INTS12: variants seen among roughly 807,000 people sequenced by gnomAD.
The protein encoded by INTS12 is integrator complex subunit 12.
Under a neutral mutation model 41.6 loss-of-function variants are expected in INTS12, and 13 were observed. The ratio of observed to expected loss-of-function variants is 0.31; its 90% CI spans 0.20 to 0.50. The LOEUF (loss-of-function observed/expected upper bound fraction) is 0.50. Among genes scored for constraint, INTS12 ranks in the 20% least tolerant of loss-of-function variants. The pLI, the probability that INTS12 is intolerant of heterozygous loss-of-function variation, is 0.98. For synonymous variants in INTS12, 199 were observed against 191.4 expected, an observed-to-expected ratio of 1.04 and a Z score of -0.33; for missense variants, 432 against 541.6, an observed-to-expected ratio of 0.80 and a Z score of 2.01.
intron 2 of INTS12, among the ~76,000 whole-genome samples, chr4:105,701,205 A>G (rs1732058545): frequency 1.3e-5 from 2 of 148,604 alleles, no homozygotes; most frequent in South Asian, 4.2e-4. Flanking sequence ...TCCACATCTG[A>G]CAAGAAACAC....
chr4:105,690,516 C>G (rs1280372260), intron 6 of INTS12, among the ~76,000 whole-genome samples: 1 of 151,478 alleles, frequency 6.6e-6, no homozygotes, highest in Non-Finnish European at 1.5e-5. Context: ...TTAAAAGAGG[C>G]ATCAAAGATG....
At chr4:105,700,329 G>A (rs897772353) in intron 2 of INTS12, 10 of 165,520 alleles carry the variant, frequency 6.0e-5, no homozygotes, top group African/African-American at 9.5e-5. Context: ...GATACACTTC[G>A]CAGTTTCAGT....
At chr4:105,702,809 G>T (rs1269878506) in intron 2 of INTS12, 1 of 852,450 alleles carries the variant, frequency 1.2e-6, no homozygotes, top group African/African-American at 1.8e-5. Flanking sequence ...TCACCAAACA[G>T]AAAACAGTAG....
intron 7 of INTS12, among the ~76,000 whole-genome samples, chr4:105,686,039 G>A (rs1430849462): frequency 1.3e-5 from 2 of 152,162 alleles, no homozygotes. Context: ...ACTGAGGGCA[G>A]AGGTATTTTG....
At chr4:105,685,221 A>C (rs145055502) in intron 7 of INTS12, among the ~76,000 whole-genome samples, 94 of 152,236 alleles carry the variant, frequency 6.2e-4, no homozygotes, top group African/African-American at 2.3e-3. Context: ...TTTTTTATTA[A>C]AGAAACACAA....
At chr4:105,695,398 GATT>G (rs1395914279) in intron 4 of INTS12, 115 bp downstream of exon 4, 1 of 676,458 alleles carries the variant, frequency 1.5e-6, no homozygotes, top group African/African-American at 1.9e-5. Context: ...ACTGAGTGTT[GATT>G]ATTATATACC....
chr4:105,688,402 A>T (rs1164716793), intron 6 of INTS12, among the ~76,000 whole-genome samples: 2 of 152,180 alleles, frequency 1.3e-5, no homozygotes, highest in African/African-American at 2.4e-5. Context: ...ACTGTTTGCC[A>T]TACTATATAG....
chr4:105,690,886 A>C (rs1731662363), intron 6 of INTS12, among the ~76,000 whole-genome samples: 1 of 152,170 alleles, frequency 6.6e-6, no homozygotes, highest in Non-Finnish European at 1.5e-5. Flanking sequence ...CATCTGTAAT[A>C]ATTTCACTTG....
At chr4:105,700,854 G>T (rs1732046236) in intron 2 of INTS12, among the ~76,000 whole-genome samples, 1 of 151,964 alleles carries the variant, frequency 6.6e-6, no homozygotes, top group African/African-American at 2.4e-5. Flanking sequence ...TTTGTTTTTA[G>T]TTAATACCAA....
At chr4:105,695,707 G>A (rs1438693955) in intron 3 of INTS12, 39 bp from the exon 4 acceptor site, 5 of 1,482,958 alleles carry the variant, frequency 3.4e-6, no homozygotes, top group African/African-American at 1.4e-5. Context: ...TAAATATTTA[G>A]ACTGATCATC....
Position 105,683,050 on chromosome 4 carries a change from C to G in INTS12, c.1072G>C (p.Val358Leu). Residue 358 changes from valine to leucine, a missense_variant, in exon 8 of 8, where the codon GTA (valine) becomes CTA (leucine). By Grantham distance (32) the Val-to-Leu change is conservative. Coordinates refer to ENST00000340139, the MANE Select transcript of INTS12 (RefSeq NM_020395.4). ...IGSNNSTTPTVPLKPPPPLTL... is the reference protein window; with the variant it reads ...IGSNNSTTPTLPLKPPPPLTL... ...AGAGGTGGAGGTGGTTTTAAAGGTACAGTGGGCGTAGTGCTGTTATTGGAA... is the reference window on the plus strand; with the variant it reads ...AGAGGTGGAGGTGGTTTTAAAGGTAGAGTGGGCGTAGTGCTGTTATTGGAA... The G allele has an allele frequency of 6.2e-7, 1 of 1,614,120 alleles. No homozygotes were observed. Among genetic ancestry groups the G allele is most frequent in the Non-Finnish European group, 8.5e-7 (1 of 1,179,980 alleles).
intron 3 of INTS12, among the ~76,000 whole-genome samples, chr4:105,697,047 G>T (rs1731891561): frequency 6.6e-6 from 1 of 152,168 alleles, no homozygotes; most frequent in Non-Finnish European, 1.5e-5. Flanking sequence ...AAATGAATCT[G>T]TTTGTTTTAT....
At chr4:105,691,024 T>C (rs1420574197) in intron 6 of INTS12, among the ~76,000 whole-genome samples, 1 of 152,226 alleles carries the variant, frequency 6.6e-6, no homozygotes, top group Non-Finnish European at 1.5e-5. Context: ...TACACACTTT[T>C]CATTTACTAC....
At chr4:105,708,374 G>C in intron 1 of INTS12, 1 of 985,462 alleles carries the variant, frequency 1.0e-6, no homozygotes, top group Non-Finnish European at 1.2e-6. Context: ...GACAAAGTCC[G>C]AGGCAGGATT....
intron 7 of INTS12, among the ~76,000 whole-genome samples, chr4:105,685,288 A>G (rs1460790778): frequency 6.6e-6 from 1 of 152,094 alleles, no homozygotes; most frequent in Non-Finnish European, 1.5e-5. Flanking sequence ...CCATAAAATG[A>G]TTTCATGTTG....
In INTS12 at chr4:105,699,884, C is replaced by T. The variant is rs1466709231; in HGVS notation, c.122G>A (p.Arg41Gln). The T allele has an allele frequency of 7.8e-6, 12 of 1,543,378 alleles. No individual in the cohort carries two copies. Among genetic ancestry groups the T allele is most frequent in the Admixed American group, 1.7e-5 (1 of 57,270 alleles). ...TGGACGGTAACTGGAATCAATGCCC[C>T]GAGCCAAAGATTCATCAAGCAGTGC... ...LKALLDESLA[R>Q]GIDSSYRPSQ... The change falls in exon 3 of 8, where the codon CGG (arginine) becomes CAG (glutamine). Residue 41 changes from arginine to glutamine, a missense_variant. Physicochemically the swap from Arg to Gln is conservative, Grantham distance 43. Transcript: ENST00000340139.
At position 105,683,066 on chromosome 4, in the gene INTS12, G is replaced by A. The variant is rs10008158; in HGVS notation, c.1056C>T (p.Asn352=). 3.7e-6 allele frequency: 6 copies of A among 1,613,998 alleles called. No individual in the cohort carries two copies. In the African/African-American group the frequency reaches 5.3e-5, roughly 14 times the overall value. ...GGIGSKIGSN[N]STTPTVPLKP... is the part of the protein sequence containing the mutation. ...TTAAAGGTACAGTGGGCGTAGTGCTGTTATTGGAACCTATTTTGGAACCTA... is the reference window on the plus strand; with the variant it reads ...TTAAAGGTACAGTGGGCGTAGTGCTATTATTGGAACCTATTTTGGAACCTA... Residue 352 remains asparagine, a synonymous_variant, in exon 8 of 8, where the codon AAC becomes AAT. Coordinates refer to ENST00000340139, the MANE Select transcript of INTS12 (RefSeq NM_020395.4).
intron 6 of INTS12, among the ~76,000 whole-genome samples, chr4:105,688,984 T>C (rs898512653): frequency 3.3e-5 from 5 of 152,252 alleles, no homozygotes; most frequent in African/African-American, 1.2e-4. Context: ...GCTTCAAACA[T>C]TGCAAAATGT....
chr4:105,700,422 A>C (rs1732022976), intron 2 of INTS12, among the ~76,000 whole-genome samples: 2 of 152,156 alleles, frequency 1.3e-5, no homozygotes, highest in South Asian at 2.1e-4. Flanking sequence ...ACACAAGGGA[A>C]GACTTAGTGT....
Sources: gnomAD v4.1 joint callset for allele counts (sites outside exome capture counted in the v4.1 genomes callset) on GRCh38, gnomAD v4.1.1 for gene constraint, MANE v1.5 for transcripts, NCBI Gene and HGNC (gene_info 2026-07-23, HGNC 2026-07-21) for gene names.